DENND3: variants seen among roughly 807,000 people sequenced by gnomAD.
The protein encoded by DENND3 is DENN domain-containing protein 3.
DENND3 carries 88 observed loss-of-function variants against 135.1 expected under a neutral mutation model. That is an observed-to-expected ratio of 0.65 (90% CI 0.55 to 0.78). The LOEUF (loss-of-function observed/expected upper bound fraction) is 0.78, where lower values mean the gene tolerates loss of function less well. Among genes scored for constraint, DENND3 ranks in the 30% least tolerant of loss-of-function variants. The pLI is 0.00. For missense variants in DENND3, 1,392 were observed against 1,688.4 expected (o/e 0.82, Z 3.08); for synonymous variants, 693 against 712.3 (o/e 0.97, Z 0.43).
chr8:141,185,553 AG>A (rs1206718211), intron 18 of DENND3: 1 of 355,484 alleles, frequency 2.8e-6, no homozygotes, highest in Non-Finnish European at 5.3e-6. Context: ...AATAGATTGC[AG>A]GGGCTCACAC....
chr8:141,163,472 C>A, intron 10 of DENND3, 43 bp downstream of exon 10: 1 of 1,243,928 alleles, frequency 8.0e-7, no homozygotes. Flanking sequence ...GTGTTCAATC[C>A]ATTATCCTTT....
At chr8:141,140,050 C>G (rs1046584365) in intron 3 of DENND3, among the ~76,000 whole-genome samples, 1 of 152,044 alleles carries the variant, frequency 6.6e-6, no homozygotes, top group Admixed American at 6.6e-5. Flanking sequence ...TAGCTGGGAC[C>G]ACAGGTGTGC....
At chr8:141,170,134 GTTTCT>G (rs1376398611) in intron 13 of DENND3, among the ~76,000 whole-genome samples, 1 of 152,228 alleles carries the variant, frequency 6.6e-6, no homozygotes, top group East Asian at 1.9e-4. Context: ...AGCAGTTCTG[GTTTCT>G]TTTCTGTGAG....
chr8:141,187,617 CAA>C (rs2154613514), intron 18 of DENND3, among the ~76,000 whole-genome samples: 1 of 151,942 alleles, frequency 6.6e-6, no homozygotes, highest in African/African-American at 2.4e-5. Context: ...TGCTATAAAA[CAA>C]ATACTGTGAA....
chr8:141,140,862 C>T (rs1056601054), intron 3 of DENND3, among the ~76,000 whole-genome samples: 2 of 152,222 alleles, frequency 1.3e-5, no homozygotes, highest in South Asian at 2.1e-4. Flanking sequence ...GCTTCCTGTG[C>T]GTGGCCCCTG....
At position 141,158,126 on chromosome 8, in the gene DENND3, G is replaced by A. The variant is rs1445588972; in HGVS notation, c.1196+2156G>A. ...CCCTAAGGCCTTAAAGCCAAGCGAT[G>A]GTCCTGCACAGGCAAGGCTGGTTTC... On this transcript the variant is annotated intron_variant, in intron 8 of 22. Transcript: ENST00000519811. 3 of 1,272,414 alleles carry A rather than the reference G, an allele frequency of 2.4e-6. No individual in the cohort carries two copies. The Admixed American group carries it at 7.8e-5, about 33-fold the overall frequency. The allele number at this position is 1,272,414 out of a possible 1,614,324, so 78.8% of individuals were successfully genotyped here.
At chr8:141,159,954 A>C (rs1819921868) in intron 8 of DENND3, among the ~76,000 whole-genome samples, 2 of 152,150 alleles carry the variant, frequency 1.3e-5, no homozygotes, top group African/African-American at 4.8e-5. Flanking sequence ...TACAGAGGGG[A>C]AGCCATGGGG....
At position 141,188,964 on chromosome 8, in the gene DENND3, C is replaced by T. The variant is rs113462274; in HGVS notation, c.3085-22C>T. On this transcript the variant is annotated intron_variant, in intron 18 of 22. Transcript: ENST00000519811. ...AGTATCGAGACTGACTGATTTCTCA[C>T]GTTCCCGTGGCCTCCTGTTAGAACT... 9.3e-6 allele frequency: 15 copies of T among 1,606,182 alleles called. No individual in the cohort carries two copies. The African/African-American group carries it at 9.4e-5, about 10-fold the overall frequency.
chr8:141,188,036 A>ACATCAGCCAGGCGTGGTGG (rs529064677), intron 18 of DENND3, among the ~76,000 whole-genome samples: 38,267 of 144,114 alleles, frequency 0.27, 5,623 homozygotes, highest in South Asian at 0.29. Context: ...AAACTGCCAA[A>ACATCAGCCAGGCGTGGTGG]CATCAGCCAG....
At chr8:141,160,557 GGTGGGCTGTGTGCTGGTGAGCGGCC>G (rs1310303509) in intron 8 of DENND3, 50 bp from the exon 9 acceptor site, 5 of 1,438,830 alleles carry the variant, frequency 3.5e-6, no homozygotes, top group Non-Finnish European at 4.6e-6. Flanking sequence ...TCATTTACCT[GGTGGGCTGTGTGCTGGTGAGCGGCC>G]GTGGCCAGTG....
chr8:141,170,031 C>A (rs1398526468), intron 13 of DENND3, among the ~76,000 whole-genome samples: 1 of 152,244 alleles, frequency 6.6e-6, no homozygotes, highest in Non-Finnish European at 1.5e-5. Flanking sequence ...CCTCCATGCT[C>A]CCAGGCAGCA....
At position 141,175,420 on chromosome 8, in the gene DENND3, G is replaced by C; in HGVS notation, c.2496G>C (p.Arg832Ser). ...GCCTGTTCCTCCTAACCGAAGGAAG[G>C]CCAGGCTACTTGGAGATTTCCACCT... ...QKRLFLLTEG[R>S]PGYLEISTFR... The change falls in exon 14 of 23, where the codon AGG becomes AGC. Residue 832 changes from arginine to serine, a missense_variant. Coordinates refer to ENST00000519811, the MANE Select transcript of DENND3 (RefSeq NM_001352890.3). The surrounding 1 kb of genome is among the most constrained non-coding windows in gnomAD (Gnocchi z 5.4). 6.2e-7 allele frequency: 1 copy of C among 1,614,166 alleles called. No individual in the cohort carries two copies. Among genetic ancestry groups the C allele is most frequent in the Non-Finnish European group, 8.5e-7 (1 of 1,180,034 alleles).
At chr8:141,181,149 C>G (rs564938141) in intron 17 of DENND3, among the ~76,000 whole-genome samples, 1 of 152,166 alleles carries the variant, frequency 6.6e-6, no homozygotes, top group South Asian at 2.1e-4. Context: ...CTAGAGCAGT[C>G]GACGGTCACG....
Position 141,175,500 on chromosome 8 carries a change from G to A in DENND3, c.2535+41G>A. 6.2e-7 allele frequency: 1 copy of A among 1,613,418 alleles called. No individual in the cohort carries two copies. The highest frequency in any genetic ancestry group is 8.5e-7 in the Non-Finnish European group (1 of 1,179,998). ...GCAGACGGCGCCAGACCCCACCTGT[G>A]TTTAGGAGACAGATGGCTGGAGTGG... is the stretch of plus-strand genomic sequence containing the variant. On this transcript the variant is annotated intron_variant, in intron 14 of 22. Transcript: ENST00000519811. The surrounding 1 kb of genome is among the most constrained non-coding windows in gnomAD (Gnocchi z 5.4).
intron 8 of DENND3, among the ~76,000 whole-genome samples, chr8:141,157,061 C>G (rs945934122): frequency 5.3e-5 from 8 of 152,188 alleles, no homozygotes; most frequent in Non-Finnish European, 1.0e-4. Flanking sequence ...GGATTACAGG[C>G]ATGAACCACT....
At chr8:141,193,334 G>A (rs117676827) in intron 22 of DENND3, 11 of 154,134 alleles carry the variant, frequency 7.1e-5, no homozygotes, top group East Asian at 3.8e-4. Flanking sequence ...TACATCCCCC[G>A]AAGTCCCAGT....
intron 13 of DENND3, among the ~76,000 whole-genome samples, chr8:141,169,662 G>T (rs1230809292): frequency 6.6e-6 from 1 of 152,166 alleles, no homozygotes; most frequent in East Asian, 1.9e-4. Context: ...TTCTTTTCTG[G>T]CCATGTTTTT....
intron 17 of DENND3, chr8:141,184,921 CTG>C (rs1823697780): frequency 3.8e-6 from 2 of 528,394 alleles, no homozygotes; most frequent in African/African-American, 1.9e-5. Context: ...GGCTCTGACC[CTG>C]TCTTTGTGGC....
At chr8:141,153,360 C>T (rs1286211929) in intron 7 of DENND3, among the ~76,000 whole-genome samples, 1 of 152,202 alleles carries the variant, frequency 6.6e-6, no homozygotes, top group Non-Finnish European at 1.5e-5. Flanking sequence ...TTCCAAAGTG[C>T]TGGGATTACA....
Sources: gnomAD v4.1 joint callset for allele counts (sites outside exome capture counted in the v4.1 genomes callset) on GRCh38, gnomAD v4.1.1 for gene constraint, Gnocchi (gnomAD v3.1) non-coding constraint, MANE v1.5 for transcripts, NCBI Gene and HGNC (gene_info 2026-07-23, HGNC 2026-07-21) for gene names.